Variants in SHROOM4 observed in about 807,000 individuals in gnomAD.
SHROOM4 encodes shroom family member 4, also known as protein Shroom4.
In SHROOM4, 17 loss-of-function variants were observed where a neutral mutation model predicts 80.3. The ratio of observed to expected loss-of-function variants is 0.21; its 90% confidence interval spans 0.14 to 0.32. SHROOM4 has a LOEUF of 0.32. Ranked by LOEUF, SHROOM4 falls within the 10% of genes least tolerant of loss-of-function variation. SHROOM4 has a pLI of 1.00. For missense variants in SHROOM4, 993 were observed against 1,140.3 expected, an observed-to-expected ratio of 0.87 and a Z score of 1.86; for synonymous variants, 400 against 437.5, an observed-to-expected ratio of 0.91 and a Z score of 1.07.
At chrX:50,798,478 AAC>A (rs1936058957) in intron 1 of SHROOM4, among the ~76,000 whole-genome samples, 1 of 111,757 alleles carries the variant, frequency 8.9e-6, no homozygotes, top group Non-Finnish European at 1.9e-5. Context: ...CATCATAGTT[AAC>A]AGTGGTATTA....
At chrX:50,796,211 G>A (rs1557272104) in intron 1 of SHROOM4, among the ~76,000 whole-genome samples, 2 of 112,075 alleles carry the variant, frequency 1.8e-5, no homozygotes, top group Non-Finnish European at 3.8e-5. Flanking sequence ...GCATTCAAAA[G>A]AACAGTCTGA....
intron 1 of SHROOM4, among the ~76,000 whole-genome samples, chrX:50,703,066 C>T (rs1356247418): frequency 8.9e-6 from 1 of 111,886 alleles, no homozygotes; most frequent in East Asian, 2.8e-4. Context: ...GGGCTATAAT[C>T]TATTAATCTA....
At chrX:50,703,523 A>T (rs1933574644) in intron 1 of SHROOM4, among the ~76,000 whole-genome samples, 1 of 111,455 alleles carries the variant, frequency 9.0e-6, no homozygotes, top group African/African-American at 3.3e-5. Context: ...CCCAAATCTC[A>T]TGTTGAATTG....
intron 1 of SHROOM4, among the ~76,000 whole-genome samples, chrX:50,803,842 T>C (rs1404808511): frequency 8.9e-6 from 1 of 111,813 alleles, no homozygotes; most frequent in Non-Finnish European, 1.9e-5. Context: ...TGTTGACTGG[T>C]TGGTTGGTTA....
At chrX:50,602,484 G>A in intron 7 of SHROOM4, 149 bp downstream of exon 7, 1 of 547,038 alleles carries the variant, frequency 1.8e-6, no homozygotes, top group Non-Finnish European at 3.2e-6. Context: ...ACAGGACTTG[G>A]ATCTGTGAGA....
chrX:50,639,337 C>T (rs1343943209), intron 2 of SHROOM4, among the ~76,000 whole-genome samples: 1 of 108,988 alleles, frequency 9.2e-6, no homozygotes, highest in African/African-American at 3.4e-5. Flanking sequence ...CTGGAAGCGC[C>T]AGACAAATGA....
intron 5 of SHROOM4, among the ~76,000 whole-genome samples, chrX:50,614,130 C>T (rs782717035): frequency 8.1e-5 from 9 of 111,559 alleles, no homozygotes; most frequent in Non-Finnish European, 1.3e-4. Flanking sequence ...CTTTTTACAA[C>T]GAAATAAAGT....
intron 1 of SHROOM4, among the ~76,000 whole-genome samples, chrX:50,752,224 C>G (rs5961149): frequency 0.12 from 13,161 of 111,702 alleles, 1,465 homozygotes; most frequent in African/African-American, 0.35. Context: ...AGTCCTCTGG[C>G]AAATTTGGTC....
intron 1 of SHROOM4, among the ~76,000 whole-genome samples, chrX:50,746,514 C>G (rs1216402750): frequency 8.9e-6 from 1 of 111,866 alleles, no homozygotes. Context: ...ACCAGATTCC[C>G]AAGTATATGT....
intron 4 of SHROOM4, among the ~76,000 whole-genome samples, chrX:50,630,176 T>C (rs1930988178): frequency 9.0e-6 from 1 of 110,866 alleles, no homozygotes; most frequent in Admixed American, 9.6e-5. Context: ...CTCCATCTCT[T>C]ATAGAGCTGC....
At chrX:50,764,372 A>T (rs5961150) in intron 1 of SHROOM4, among the ~76,000 whole-genome samples, 1 of 106,749 alleles carries the variant, frequency 9.4e-6, no homozygotes, top group East Asian at 3.0e-4. Flanking sequence ...CATGAAGCTG[A>T]GAGTGGGGGG....
chrX:50,683,105 T>C (rs951265070), intron 2 of SHROOM4, among the ~76,000 whole-genome samples: 29 of 111,804 alleles, frequency 2.6e-4, no homozygotes, highest in African/African-American at 8.4e-4. Context: ...GCTCCTCAGC[T>C]TGCAGATGGC....
chrX:50,664,484 C>T lies in SHROOM4; in HGVS notation c.270-26176G>A, dbSNP rs539172224. Among the ~76,000 whole-genome samples the T allele has an allele frequency of 5.4e-5, 6 of 111,724 alleles. No individual in the cohort carries two copies. The South Asian group carries it at 1.9e-3, about 35-fold the overall frequency. On this transcript the variant is annotated intron_variant, in intron 2 of 8. Coordinates refer to ENST00000376020, the MANE Select transcript of SHROOM4 (RefSeq NM_020717.5). ...AGTACCTTTGTGTCCCCAAAGTAAA[C>T]TTGTACCATAATGCAAAGGGAGATG...
At chrX:50,576,621 T>A in the SHROOM4 span, among the ~76,000 whole-genome samples, 2 of 110,246 alleles carry the variant, frequency 1.8e-5, no homozygotes, top group African/African-American at 6.6e-5. Flanking sequence ...GTGTGTGTGT[T>A]TGTGTGTGTG....
In SHROOM4 at chrX:50,687,899, A is replaced by G. The variant is rs376111132; in HGVS notation, c.269+7887T>C. On this transcript the variant is annotated intron_variant, in intron 2 of 8. Coordinates refer to ENST00000376020, the MANE Select transcript of SHROOM4 (RefSeq NM_020717.5). ...ACTCATAGTTCCTACTTCCCTACAT[A>G]AGGATGTGTAAAAAAAAAAAACTCC... Among the ~76,000 whole-genome samples the G allele has an allele frequency of 2.2e-3, 244 of 108,863 alleles. 1 individual carries two copies. Among genetic ancestry groups the G allele is most frequent in the African/African-American group, 7.4e-3 (220 of 29,802 alleles). The allele number at this position is 108,863 out of a possible 115,157, so 94.5% of individuals were successfully genotyped here. A position where few individuals can be genotyped will look rare whatever the true frequency, so the allele number is the denominator to read the frequency against.
chrX:50,618,389 T>A (rs1235335221), intron 5 of SHROOM4, among the ~76,000 whole-genome samples: 1 of 67,935 alleles, frequency 1.5e-5, no homozygotes, highest in African/African-American at 6.1e-5. Context: ...CCTTCCTTCC[T>A]TCCTTCCTTC....
intron 5 of SHROOM4, among the ~76,000 whole-genome samples, chrX:50,616,350 C>A (rs1180260370): frequency 9.0e-6 from 1 of 111,600 alleles, no homozygotes; most frequent in Non-Finnish European, 1.9e-5. Flanking sequence ...CAACCACCTA[C>A]CCTTTTTTTT....
intron 1 of SHROOM4, among the ~76,000 whole-genome samples, chrX:50,749,191 G>T (rs1439610317): frequency 8.9e-6 from 1 of 112,106 alleles, no homozygotes; most frequent in African/African-American, 3.2e-5. Flanking sequence ...CAGCGTGGGT[G>T]CCACAGTGAG....
In SHROOM4 at chrX:50,594,831, G is replaced by A. The variant is rs945259260; in HGVS notation, c.*1864C>T. On this transcript the variant is annotated 3_prime_UTR_variant, in exon 9 of 9. Coordinates refer to ENST00000376020, the MANE Select transcript of SHROOM4 (RefSeq NM_020717.5). ...TTCCACTGGAGGGGAGAATGGCAGG[G>A]TTGCCATTCTAACAGTGTTTCTGGC... 2 of 111,371 alleles carry A rather than the reference G, an allele frequency of 1.8e-5. No homozygotes were observed. The highest frequency in any genetic ancestry group is 6.5e-5 in the African/African-American group (2 of 30,579). 9.2% of individuals were successfully genotyped at this position (111,371 alleles called of 1,213,427 possible).
Sources: gnomAD v4.1 joint callset for allele counts (sites outside exome capture counted in the v4.1 genomes callset) on GRCh38, gnomAD v4.1.1 for gene constraint, MANE v1.5 for transcripts, NCBI Gene and HGNC (gene_info 2026-07-23, HGNC 2026-07-21) for gene names.